KCNMA1: variants seen among roughly 807,000 people sequenced by gnomAD.
The protein encoded by KCNMA1 is Calcium-activated potassium channel subunit alpha-1.
In KCNMA1, 29 loss-of-function variants were observed where a neutral mutation model predicts 140.0. The observed-to-expected ratio is 0.21, with a 90% CI of 0.15 to 0.28. The LOEUF is 0.28. Ranked by LOEUF, KCNMA1 falls within the 10% of genes least tolerant of loss-of-function variation. The pLI is 1.00. For synonymous variants in KCNMA1, 612 were observed against 611.9 expected, an observed-to-expected ratio of 1.00 and a Z score of 0.00; for missense variants, 880 against 1,602.2, an observed-to-expected ratio of 0.55 and a Z score of 7.70.
intron 1 of KCNMA1, among the ~76,000 whole-genome samples, chr10:77,413,165 T>G (rs1358014695): frequency 1.3e-5 from 2 of 152,188 alleles, no homozygotes; most frequent in Non-Finnish European, 2.9e-5. Context: ...GGCCCCATGT[T>G]AGCTTTTTAA....
chr10:77,616,863 AT>A (rs1259897254), intron 1 of KCNMA1, among the ~76,000 whole-genome samples: 3 of 151,990 alleles, frequency 2.0e-5, no homozygotes, highest in African/African-American at 7.3e-5. Context: ...TTTCAGTATT[AT>A]TTTATTCCCA....
chr10:77,019,013 CT>C lies in KCNMA1; in HGVS notation c.2014del (p.Arg672GlyfsTer19). 6.5e-7 allele frequency: 1 copy of C among 1,546,416 alleles called. No individual in the cohort carries two copies. The highest frequency in any genetic ancestry group is 8.9e-7 in the Non-Finnish European group (1 of 1,118,692). On this transcript the variant is annotated frameshift_variant and splice_region_variant, in exon 17 of 28. Coordinates refer to ENST00000286628, the MANE Select transcript of KCNMA1 (RefSeq NM_001161352.2). LOFTEE classifies it high-confidence loss of function. The stretch of plus-strand genomic sequence containing the variant: ...AAGCCAGTTGAAAATAAACTCTTAC[CT>C]TTTAACTTCTTTGGCATCACTTGCG... ...FIASDAKEVK[R>X]AFFYCKACHD...
intron 1 of KCNMA1, among the ~76,000 whole-genome samples, chr10:77,520,050 GGGTGTGC>G (rs2052446524): frequency 3.6e-5 from 1 of 27,700 alleles, no homozygotes; most frequent in Non-Finnish European, 8.0e-5. Context: ...TGCAGTGTGA[GGGTGTGC>G]AGTGTGAGGG....
At chr10:77,086,708 C>A in intron 10 of KCNMA1, 115 bp from the exon 11 acceptor site, 1 of 751,904 alleles carries the variant, frequency 1.3e-6, no homozygotes, top group Non-Finnish European at 2.4e-6. Flanking sequence ...CTGTGACCTA[C>A]AGTCACCCTT....
chr10:77,409,216 C>T (rs2096565119), intron 1 of KCNMA1, among the ~76,000 whole-genome samples: 1 of 152,224 alleles, frequency 6.6e-6, no homozygotes, highest in African/African-American at 2.4e-5. Flanking sequence ...GCTCAAGATA[C>T]AAACCTCATC....
intron 1 of KCNMA1, among the ~76,000 whole-genome samples, chr10:77,581,063 T>G (rs2075734193): frequency 6.6e-6 from 1 of 152,144 alleles, no homozygotes; most frequent in Non-Finnish European, 1.5e-5. Context: ...ATCATAAAAT[T>G]CTTCATACAT....
At chr10:76,887,704 T>C in intron 27 of KCNMA1, 189 bp from the exon 28 acceptor site, 1 of 658,506 alleles carries the variant, frequency 1.5e-6, no homozygotes, top group Admixed American at 2.7e-5. Flanking sequence ...TTTAACTCAA[T>C]AAAGGAGGCC....
chr10:77,179,407 T>C (rs2098783789), intron 5 of KCNMA1, among the ~76,000 whole-genome samples: 1 of 152,130 alleles, frequency 6.6e-6, no homozygotes, highest in Non-Finnish European at 1.5e-5. Context: ...GACACCAGGC[T>C]AGCTCTGCAT....
At chr10:77,422,880 A>C (rs1382077584) in intron 1 of KCNMA1, among the ~76,000 whole-genome samples, 1 of 152,228 alleles carries the variant, frequency 6.6e-6, no homozygotes, top group East Asian at 1.9e-4. Context: ...GGCCCTGCTG[A>C]CATCTTGATT....
At chr10:77,550,646 C>T (rs567847077) in intron 1 of KCNMA1, among the ~76,000 whole-genome samples, 3 of 152,280 alleles carry the variant, frequency 2.0e-5, no homozygotes, top group South Asian at 4.1e-4. Context: ...AACCAGGCCG[C>T]GTCTGGGCAG....
intron 5 of KCNMA1, among the ~76,000 whole-genome samples, chr10:77,123,553 C>T (rs1476342253): frequency 1.3e-5 from 2 of 152,078 alleles, no homozygotes; most frequent in Non-Finnish European, 2.9e-5. Flanking sequence ...AATGTAGAAA[C>T]GTGGAGTAGA....
chr10:77,550,067 C>T (rs1375066472), intron 1 of KCNMA1, among the ~76,000 whole-genome samples: 2 of 152,196 alleles, frequency 1.3e-5, no homozygotes. Context: ...ATTGTGCACG[C>T]ACCCCCAGCC....
chr10:77,173,029 C>T (rs569262891), intron 5 of KCNMA1, among the ~76,000 whole-genome samples: 42 of 152,254 alleles, frequency 2.8e-4, no homozygotes, highest in South Asian at 4.2e-4. Context: ...TCCAACACGA[C>T]GGCATTGGGA....
intron 3 of KCNMA1, among the ~76,000 whole-genome samples, chr10:77,195,567 CT>C (rs200966252): frequency 5.9e-5 from 9 of 151,398 alleles, no homozygotes; most frequent in African/African-American, 1.9e-4. Flanking sequence ...ATTTCTTTTC[CT>C]TTTTTTTTCT....
rs1179700453 is a variant in KCNMA1, at chr10:77,312,660, G to A, written c.541-61404C>T. Reference sequence around the variant, plus strand: ...AGAATGCCAAGAGGCATAAAAACACGGCAATGCTTCCAGGGCTGGATTTAG... The same window carrying A: ...AGAATGCCAAGAGGCATAAAAACACAGCAATGCTTCCAGGGCTGGATTTAG... On this transcript the variant is annotated intron_variant, in intron 2 of 27. Transcript: ENST00000286628. Among the ~76,000 whole-genome samples, 97 of 152,242 alleles carry A rather than the reference G, an allele frequency of 6.4e-4. 1 individual carries two copies. Among genetic ancestry groups the A allele is most frequent in the Admixed American group, 6.3e-3 (96 of 15,290 alleles).
chr10:77,379,567 T>C (rs1566416731), intron 2 of KCNMA1, among the ~76,000 whole-genome samples: 1 of 148,894 alleles, frequency 6.7e-6, no homozygotes, highest in Non-Finnish European at 1.5e-5. Flanking sequence ...ATCAGACATA[T>C]GTAGGCAGAA....
intron 1 of KCNMA1, among the ~76,000 whole-genome samples, chr10:77,456,241 C>G (rs910817758): frequency 6.6e-6 from 1 of 152,310 alleles, no homozygotes. Flanking sequence ...ATTCCCACCC[C>G]AGGGACTTTG....
intron 1 of KCNMA1, among the ~76,000 whole-genome samples, chr10:77,465,447 A>G (rs1476938566): frequency 6.6e-6 from 1 of 152,144 alleles, no homozygotes; most frequent in Non-Finnish European, 1.5e-5. Context: ...TATTACAGAA[A>G]TACTCAGAGT....
At chr10:76,952,025 G>T in intron 21 of KCNMA1, 1 of 1,551,376 alleles carries the variant, frequency 6.4e-7, no homozygotes, top group Non-Finnish European at 8.7e-7. Flanking sequence ...TAGGATAGAA[G>T]TAGTAACTCA....
Sources: gnomAD v4.1 joint callset for allele counts (sites outside exome capture counted in the v4.1 genomes callset) on GRCh38, gnomAD v4.1.1 for gene constraint, MANE v1.5 for transcripts, NCBI Gene and HGNC (gene_info 2026-07-23, HGNC 2026-07-21) for gene names.